The following MYO1H variants were observed in gnomAD, a reference collection of about 807,000 sequenced individuals.
MYO1H encodes unconventional myosin-Ih.
MYO1H carries 118 observed loss-of-function variants against 149.3 expected under a neutral mutation model. The observed-to-expected ratio is 0.79, with a 90% CI of 0.68 to 0.92. The LOEUF is 0.92. Among genes scored for constraint, MYO1H ranks in the 40% least tolerant of loss-of-function variants. The pLI, the probability that MYO1H is intolerant of heterozygous loss-of-function variation, is 0.00. For missense variants in MYO1H, 1,212 were observed against 1,280.7 expected (o/e 0.95, Z 0.82); for synonymous variants, 447 against 465.2 (o/e 0.96, Z 0.50).
exon 25 of MYO1H, chr12:109,440,763 A>G (rs1217234285): frequency 6.4e-7 from 1 of 1,563,294 alleles, no homozygotes; most frequent in South Asian, 1.2e-5. Context: ...CTGCTCAGGA[A>G]AATGTGCGTG....
intron 14 of MYO1H, 46 bp from the exon 15 acceptor site, chr12:109,415,475 CAAAAA>C: frequency 3.9e-6 from 6 of 1,525,992 alleles, no homozygotes; most frequent in Non-Finnish European, 5.3e-6. Flanking sequence ...GACGCCATCT[CAAAAA>C]AGAAAAGAAA....
At chr12:109,410,601 A>AG (rs1870621585) in intron 12 of MYO1H, 87 bp from the exon 13 acceptor site, 1 of 797,096 alleles carries the variant, frequency 1.3e-6, no homozygotes, top group Admixed American at 2.6e-5. Context: ...GATTTTGAAA[A>AG]AAGATGTTTT....
intron 1 of MYO1H, among the ~76,000 whole-genome samples, chr12:109,375,335 T>C (rs1025758110): frequency 2.6e-5 from 4 of 152,046 alleles, no homozygotes; most frequent in Non-Finnish European, 5.9e-5. Context: ...ATATTTTTTG[T>C]AGAGATGGGG....
At chr12:109,335,318 G>T in the MYO1H span, among the ~76,000 whole-genome samples, 1 of 151,538 alleles carries the variant, frequency 6.6e-6, no homozygotes, top group Non-Finnish European at 1.5e-5. Context: ...GAGCAGGTGT[G>T]GGGGGGTGCC....
At position 109,386,156 on chromosome 12, in the gene MYO1H, CTG is replaced by C. The variant is rs550844842; in HGVS notation, c.13-2524_13-2523del. Among the ~76,000 whole-genome samples, 168 of 152,282 alleles carry C rather than the reference CTG, an allele frequency of 1.1e-3. 1 individual carries two copies. Among genetic ancestry groups the C allele is most frequent in the African/African-American group, 3.4e-3 (142 of 41,558 alleles). ...TGGGCTCTTTCACTCAGCATAATGT[CTG>C]TGAGAGTCATCCATGCTCTTGCGTG... On this transcript the variant is annotated intron_variant, in intron 1 of 31. Transcript: ENST00000310903.
intron 13 of MYO1H, 82 bp from the exon 14 acceptor site, chr12:109,411,812 T>C (rs1870688276): frequency 2.0e-6 from 2 of 979,418 alleles, no homozygotes. Context: ...CAGTACTTTC[T>C]GTTCCAGCTG....
In MYO1H at chr12:109,441,607, A is replaced by G; in HGVS notation, c.2539-8A>G. 6.3e-7 allele frequency: 1 copy of G among 1,598,326 alleles called. No homozygotes were observed. ...ACCATTTTTATACTTTCAATTGTGT[A>G]TTACCAGATGCAGCAAAAGGTAGTT... On this transcript the variant is annotated splice_polypyrimidine_tract_variant and splice_region_variant and intron_variant, in intron 25 of 31. Transcript: ENST00000310903.
chr12:109,400,332 C>T (rs762773122), intron 5 of MYO1H, among the ~76,000 whole-genome samples: 2 of 152,258 alleles, frequency 1.3e-5, no homozygotes, highest in Non-Finnish European at 2.9e-5. Context: ...ATGATGGTTC[C>T]GGTTGCTCCA....
intron 4 of MYO1H, among the ~76,000 whole-genome samples, chr12:109,396,839 T>G (rs1427374505): frequency 7.2e-6 from 1 of 139,348 alleles, no homozygotes; most frequent in African/African-American, 2.7e-5. Context: ...TTTTTTTTTT[T>G]TTTTTGAGAC....
upstream of MYO1H, among the ~76,000 whole-genome samples, chr12:109,346,200 A>C (rs1277902179): frequency 2.0e-5 from 3 of 152,192 alleles, no homozygotes; most frequent in African/African-American, 7.2e-5. Context: ...AACTATTTAC[A>C]TGGCATTTAC....
chr12:109,435,177 T>A (rs1410103666), intron 21 of MYO1H, 64 bp downstream of exon 21: 1 of 1,131,268 alleles, frequency 8.8e-7, no homozygotes, highest in South Asian at 1.4e-5. Flanking sequence ...AGCTTGGGGG[T>A]AAATCTTAAA....
In MYO1H at chr12:109,409,668, T is replaced by A. The variant is rs561198272; in HGVS notation, c.1223+44T>A. ...TACCTATCTGTCTTTTGCCCTTTTT[T>A]AAGATTTCAGTCGAGATTTAAATCT... On this transcript the variant is annotated intron_variant, in intron 11 of 31. Coordinates refer to ENST00000310903, the Ensembl canonical transcript of MYO1H. 5 of 1,476,810 alleles carry A rather than the reference T, an allele frequency of 3.4e-6. No individual in the cohort carries two copies. In the South Asian group the frequency reaches 4.5e-5, roughly 13 times the overall value. 91.5% of individuals were successfully genotyped at this position (1,476,810 alleles called of 1,614,324 possible). A position where few individuals can be genotyped will look rare whatever the true frequency, so the allele number is the denominator to read the frequency against.
chr12:109,365,950 ACT>A (rs1301672644), intron 1 of MYO1H, among the ~76,000 whole-genome samples: 3 of 151,902 alleles, frequency 2.0e-5, no homozygotes, highest in Non-Finnish European at 4.4e-5. Context: ...GCAGCATTAG[ACT>A]CTCACAGGAT....
At chr12:109,395,745 A>AG (rs577358783) in intron 3 of MYO1H, among the ~76,000 whole-genome samples, 14,589 of 151,546 alleles carry the variant, frequency 0.096, 1,386 homozygotes, top group African/African-American at 0.25. Flanking sequence ...AAAAAAAAAA[A>AG]AAAATTCTCA....
At chr12:109,317,754 CGTTGGACCAGCTGA>C in the MYO1H span, among the ~76,000 whole-genome samples, 1 of 152,194 alleles carries the variant, frequency 6.6e-6, no homozygotes, top group African/African-American at 2.4e-5. Flanking sequence ...TTTGGGACAG[CGTTGGACCAGCTGA>C]GTATTAATGA....
chr12:109,419,552 T>C (rs1202066157), intron 15 of MYO1H, among the ~76,000 whole-genome samples: 1 of 152,066 alleles, frequency 6.6e-6, no homozygotes, highest in East Asian at 1.9e-4. Context: ...AAATTTTTAT[T>C]TAATCATTTT....
intron 5 of MYO1H, among the ~76,000 whole-genome samples, chr12:109,398,075 A>G (rs930370219): frequency 1.3e-5 from 2 of 152,248 alleles, no homozygotes; most frequent in Admixed American, 1.3e-4. Flanking sequence ...ATTCTTACAC[A>G]TTGCTGGTGG....
At chr12:109,424,880 G>T in intron 17 of MYO1H, 52 bp downstream of exon 17, 1 of 1,375,414 alleles carries the variant, frequency 7.3e-7, no homozygotes, top group South Asian at 1.2e-5. Flanking sequence ...AGGGTGAGAT[G>T]ACCACCAACT....
At chr12:109,339,703 A>T in the MYO1H span, among the ~76,000 whole-genome samples, 2 of 152,248 alleles carry the variant, frequency 1.3e-5, no homozygotes, top group Non-Finnish European at 2.9e-5. Flanking sequence ...AAAAGCAGGG[A>T]GAGGAAGCCT....
Sources: gnomAD v4.1 joint callset for allele counts (sites outside exome capture counted in the v4.1 genomes callset) on GRCh38, gnomAD v4.1.1 for gene constraint, MANE v1.5 for transcripts, NCBI Gene and HGNC (gene_info 2026-07-23, HGNC 2026-07-21) for gene names.